The following AATK variants were observed in gnomAD, a reference collection of about 807,000 sequenced individuals.
The protein encoded by AATK is lemur tail kinase 1.
AATK carries 91 observed loss-of-function variants against 114.3 expected under a neutral mutation model. The ratio of observed to expected loss-of-function variants is 0.80; its 90% CI spans 0.67 to 0.95. The LOEUF (loss-of-function observed/expected upper bound fraction) is 0.95. Ranked by LOEUF, AATK falls within the 40% of genes least tolerant of loss-of-function variation. The pLI, the probability that AATK is intolerant of heterozygous loss-of-function variation, is 0.00. For synonymous variants in AATK, 1,075 were observed against 916.5 expected, an observed-to-expected ratio of 1.17 and a Z score of -3.12; for missense variants, 2,176 against 1,965.2, an observed-to-expected ratio of 1.11 and a Z score of -2.03.
intron 1 of AATK, among the ~76,000 whole-genome samples, chr17:81,152,883 C>T (rs1349466462): frequency 6.6e-6 from 1 of 150,742 alleles, no homozygotes; most frequent in African/African-American, 2.4e-5. Context: ...CGCTCTGTCA[C>T]CCAGGATGGA....
In AATK at chr17:81,119,248, GGCCGGGAAGGAGCGGAGCGGAGCGGA is replaced by G. The variant is rs1212395737; in HGVS notation, c.4084+106_4084+131del. 5 of 884,394 alleles carry G rather than the reference GGCCGGGAAGGAGCGGAGCGGAGCGGA, an allele frequency of 5.7e-6. No homozygotes were observed. The African/African-American group carries it at 6.9e-5, about 12-fold the overall frequency. The allele number at this position is 884,394 out of a possible 1,614,324, so 54.8% of individuals were successfully genotyped here. A position where few individuals can be genotyped will look rare whatever the true frequency, so the allele number is the denominator to read the frequency against. On this transcript the variant is annotated intron_variant, in intron 13 of 13. Transcript: ENST00000326724. ...TAGGTCTGGGGCCGGGAAGGAGCGG[GGCCGGGAAGGAGCGGAGCGGAGCGGA>G]GCCGGGGCTGGCCCGGCCCAGGACC...
rs1222971470 is a variant in AATK, at chr17:81,121,747, C to T, written c.2189G>A (p.Gly730Glu). 3 of 1,506,698 alleles carry T rather than the reference C, an allele frequency of 2.0e-6. No homozygotes were observed. The highest frequency in any genetic ancestry group is 2.7e-6 in the Non-Finnish European group (3 of 1,131,260). The allele number at this position is 1,506,698 out of a possible 1,614,324, so 93.3% of individuals were successfully genotyped here. A position where few individuals can be genotyped will look rare whatever the true frequency, so the allele number is the denominator to read the frequency against. Residue 730 changes from glycine (G) to glutamate (E), a missense_variant, in exon 11 of 14, where the codon GGG (glycine) becomes GAG (glutamate). Gly to Glu is a moderately conservative substitution (Grantham distance 98). Transcript: ENST00000326724. ...CTCCTGGGCAGAGGCTGCCTGGAGC[C>T]CAAGCAGAGGCTCTCCAGGGTACCC... is the stretch of plus-strand genomic sequence containing the variant. ...EPGYPGEPLL[G>E]LQAASAQEPG...
At chr17:81,138,888 C>A (rs1296848732) in intron 1 of AATK, among the ~76,000 whole-genome samples, 2 of 152,022 alleles carry the variant, frequency 1.3e-5, no homozygotes, top group African/African-American at 4.8e-5. Context: ...CCCATACACG[C>A]ACACACATAT....
chr17:81,125,794 C>G, intron 7 of AATK: 2 of 401,732 alleles, frequency 5.0e-6, no homozygotes, highest in Admixed American at 5.8e-5. Flanking sequence ...GCCATGTGTC[C>G]TGGGCCTAGG....
Position 81,121,342 on chromosome 17 carries a change from T to C in AATK, c.2594A>G (p.Glu865Gly), listed in dbSNP as rs568632695. 6.2e-7 allele frequency: 1 copy of C among 1,612,208 alleles called. No homozygotes were observed. The highest frequency in any genetic ancestry group is 2.2e-5 in the East Asian group (1 of 44,868). ...APSSEDEDTA[E>G]ATSGIFTDTS... The stretch of plus-strand genomic sequence containing the variant: ...GTCGGTGAAGATGCCTGAGGTGGCC[T>C]CGGCCGTGTCCTCATCCTCACTGCT... The change falls in exon 11 of 14, where the codon GAG becomes GGG. Residue 865 changes from glutamate (E) to glycine (G), a missense_variant. Transcript: ENST00000326724.
intron 2 of AATK, chr17:81,133,476 C>T (rs1015971223): frequency 2.2e-5 from 6 of 277,186 alleles, no homozygotes; most frequent in African/African-American, 1.4e-4. Context: ...CAGAATGCCT[C>T]CTCCCACCCT....
At chr17:81,138,618 CAT>C (rs139971255) in intron 1 of AATK, among the ~76,000 whole-genome samples, 8,752 of 150,202 alleles carry the variant, frequency 0.058, 329 homozygotes, top group Middle Eastern at 0.11. Context: ...AACACACACA[CAT>C]ACCCACACAC....
chr17:81,161,185 C>T (rs561690743), intron 1 of AATK, among the ~76,000 whole-genome samples: 2 of 152,320 alleles, frequency 1.3e-5, no homozygotes, highest in African/African-American at 2.4e-5. Flanking sequence ...AATGGATGTG[C>T]TCACAGTTCT....
intron 1 of AATK, among the ~76,000 whole-genome samples, chr17:81,158,327 C>T (rs375295672): frequency 1.3e-5 from 2 of 152,236 alleles, no homozygotes; most frequent in African/African-American, 4.8e-5. Flanking sequence ...GGGACACCTG[C>T]CTCTGGGCCA....
chr17:81,146,746 T>C (rs1317653027), intron 1 of AATK, among the ~76,000 whole-genome samples: 2 of 151,702 alleles, frequency 1.3e-5, no homozygotes, highest in Non-Finnish European at 2.9e-5. Context: ...AAAACCAAAC[T>C]GCCCAATCCG....
rs151156203 is a variant in AATK, at chr17:81,127,905, G to C, written c.420C>G (p.Phe140Leu). 1 of 1,548,724 alleles carries C rather than the reference G, an allele frequency of 6.5e-7. No individual in the cohort carries two copies. The highest frequency in any genetic ancestry group is 2.4e-5 in the East Asian group (1 of 40,896). Residue 140 changes from phenylalanine to leucine, a missense_variant, in exon 5 of 14, where the codon TTC (phenylalanine) becomes TTG (leucine). Physicochemically the swap from Phe to Leu is conservative, Grantham distance 22 (BLOSUM62 0). Around this residue, in one of 4 missense-constraint regions of AATK, gnomAD observed 24 missense variants for 50.9 expected, o/e 0.47. Transcript: ENST00000326724. ...EIGRGWFGKV[F>L]LGEVNSGISS... The stretch of plus-strand genomic sequence containing the variant: ...TGATGCCAGAGTTCACCTCCCCCAG[G>C]AACACCTGTGGGACAGACAGCATCA...
intron 7 of AATK, chr17:81,125,441 CCTGCCGG>C (rs2146302462): frequency 4.8e-6 from 2 of 419,014 alleles, no homozygotes; most frequent in African/African-American, 4.1e-5. Flanking sequence ...TCCCAGGGGT[CCTGCCGG>C]CTGCCGGAGT....
At chr17:81,156,542 C>T (rs1027321598) in intron 1 of AATK, among the ~76,000 whole-genome samples, 4 of 152,080 alleles carry the variant, frequency 2.6e-5, no homozygotes, top group Non-Finnish European at 5.9e-5. Flanking sequence ...GGACTACAGG[C>T]GCCAGCCACC....
In AATK at chr17:81,120,556, G is replaced by A. The variant is rs369187278; in HGVS notation, c.3380C>T (p.Pro1127Leu). Residue 1127 changes from proline (P) to leucine (L), a missense_variant, in exon 11 of 14, where the codon CCG becomes CTG. Physicochemically the swap from Pro to Leu is moderately conservative, Grantham distance 98. Transcript: ENST00000326724. The part of the protein sequence containing the change: ...FQGPPGLLSG[P>L]APQKRMGGPG... ...GCCCCCCATCCGCTTTTGTGGGGCC[G>A]GCCCTGACAACAGTCCTGGGGGCCC... 2.7e-6 allele frequency: 4 copies of A among 1,505,594 alleles called. No homozygotes were observed. Among genetic ancestry groups the A allele is most frequent in the South Asian group, 2.6e-5 (2 of 77,058 alleles). The allele number at this position is 1,505,594 out of a possible 1,614,324, so 93.3% of individuals were successfully genotyped here. A position where few individuals can be genotyped will look rare whatever the true frequency, so the allele number is the denominator to read the frequency against.
Position 81,121,333 on chromosome 17 carries a change from G to A in AATK, c.2603C>T (p.Ser868Leu), listed in dbSNP as rs1323378166. ...SEDEDTAEAT[S>L]GIFTDTSSDG... ...GCTGGACGTGTCGGTGAAGATGCCT[G>A]AGGTGGCCTCGGCCGTGTCCTCATC... is the stretch of plus-strand genomic sequence containing the variant. The change falls in exon 11 of 14, where the codon TCA becomes TTA. Residue 868 changes from serine (S) to leucine (L), a missense_variant. By Grantham distance (145) the Ser-to-Leu change is moderately radical (BLOSUM62 -2). Transcript: ENST00000326724. The A allele has an allele frequency of 4.3e-6, 7 of 1,611,656 alleles. No individual in the cohort carries two copies. The highest frequency in any genetic ancestry group is 5.9e-6 in the Non-Finnish European group (7 of 1,179,772).
In AATK at chr17:81,165,920, G is replaced by GGGT; in HGVS notation, c.55+17_55+18insACC. ...GGAGGGAGGCAGCGGCGCGCAGGCC[G>GGGT]GGCCGCCAGGGACTCACCGGGGTCG... On this transcript the variant is annotated intron_variant, in intron 1 of 13. Coordinates refer to ENST00000326724, the MANE Select transcript of AATK (RefSeq NM_001080395.3). 2 of 1,571,960 alleles carry GGGT rather than the reference G, an allele frequency of 1.3e-6. No individual in the cohort carries two copies. Among genetic ancestry groups the GGGT allele is most frequent in the Non-Finnish European group, 1.7e-6 (2 of 1,160,298 alleles).
intron 7 of AATK, 169 bp from the exon 8 acceptor site, chr17:81,125,183 C>A: frequency 1.5e-6 from 1 of 672,210 alleles, no homozygotes; most frequent in Non-Finnish European, 2.7e-6. Flanking sequence ...GTTGGAGACA[C>A]TGCCACCCCC....
chr17:81,127,069 CGGG>C (rs1394379293), intron 6 of AATK, among the ~76,000 whole-genome samples: 1 of 27,654 alleles, frequency 3.6e-5, no homozygotes, highest in African/African-American at 1.5e-4. Context: ...GGGCAGGTCT[CGGG>C]GGAGGGGGAG....
chr17:81,165,027 C>G (rs1430180287), intron 1 of AATK, among the ~76,000 whole-genome samples: 1 of 152,226 alleles, frequency 6.6e-6, no homozygotes, highest in African/African-American at 2.4e-5. Flanking sequence ...CACATGCAAA[C>G]AGGCTTTGTT....
Sources: allele counts gnomAD v4.1 joint callset (sites outside exome capture counted in the v4.1 genomes callset), GRCh38; gene constraint gnomAD v4.1.1; regional missense constraint gnomAD v4.1.1; transcripts MANE v1.5; gene names NCBI Gene and HGNC (gene_info 2026-07-23, HGNC 2026-07-21).